The following HCRTR2 variants were observed in gnomAD, a reference collection of about 807,000 sequenced individuals.
HCRTR2 encodes hypocretin receptor 2.
In HCRTR2, 22 loss-of-function variants were observed where a neutral mutation model predicts 49.0. The ratio of observed to expected loss-of-function variants is 0.45; its 90% CI spans 0.32 to 0.64. The LOEUF (loss-of-function observed/expected upper bound fraction) is 0.64. Among genes scored for constraint, HCRTR2 ranks in the 30% least tolerant of loss-of-function variants. The pLI, the probability that HCRTR2 is intolerant of heterozygous loss-of-function variation, is 0.04. For missense variants in HCRTR2, 491 were observed against 559.4 expected, an observed-to-expected ratio of 0.88 and a Z score of 1.23; for synonymous variants, 236 against 205.3, an observed-to-expected ratio of 1.15 and a Z score of -1.28.
chr6:55,134,198 CTGAT>C (rs1764402353), intron 1 of HCRTR2, among the ~76,000 whole-genome samples: 1 of 148,012 alleles, frequency 6.8e-6, no homozygotes, highest in Non-Finnish European at 1.5e-5. Flanking sequence ...GTTGAGGAGA[CTGAT>C]TATTCTGTTT....
intron 1 of HCRTR2, among the ~76,000 whole-genome samples, chr6:55,121,299 G>A (rs1279589626): frequency 6.6e-6 from 1 of 152,072 alleles, no homozygotes; most frequent in East Asian, 1.9e-4. Context: ...GTATAGGAAT[G>A]TTTGTGATTT....
intron 1 of HCRTR2, among the ~76,000 whole-genome samples, chr6:55,158,692 A>C (rs1764763524): frequency 6.6e-6 from 1 of 152,202 alleles, no homozygotes; most frequent in African/African-American, 2.4e-5. Context: ...GCCACTGGGA[A>C]GTTAAAGTAG....
At chr6:55,123,182 G>T (rs1307116699) in intron 1 of HCRTR2, among the ~76,000 whole-genome samples, 1 of 151,864 alleles carries the variant, frequency 6.6e-6, no homozygotes, top group Admixed American at 6.6e-5. Context: ...GGAGTGGTGA[G>T]AGAGGGCATC....
At position 55,133,158 on chromosome 6, in the gene HCRTR2, G is replaced by A. The variant is rs890768055; in HGVS notation, c.-378+26613G>A. On this transcript the variant is annotated intron_variant, in intron 1 of 7. Coordinates refer to the HCRTR2 transcript ENST00000615358. ...TACAAAATCAAATTACCACCAATAA[G>A]TAAAATGGTAGGACTTATTTTTAGA... is the stretch of plus-strand genomic sequence containing the variant. Among the ~76,000 whole-genome samples, 5 of 151,936 alleles carry A rather than the reference G, an allele frequency of 3.3e-5. No individual in the cohort carries two copies. The South Asian group carries it at 1.0e-3, about 31-fold the overall frequency.
At chr6:55,142,041 A>G (rs769799577) in intron 1 of HCRTR2, among the ~76,000 whole-genome samples, 19 of 152,188 alleles carry the variant, frequency 1.2e-4, no homozygotes, top group Non-Finnish European at 2.1e-4. Flanking sequence ...ATTAAATAGT[A>G]AAATCAAGAT....
At chr6:55,129,032 G>A (rs1041129279) in intron 1 of HCRTR2, among the ~76,000 whole-genome samples, 2 of 151,964 alleles carry the variant, frequency 1.3e-5, no homozygotes, top group East Asian at 1.9e-4. Flanking sequence ...TCTGATCTTT[G>A]TTTTGTTTTG....
intron 1 of HCRTR2, among the ~76,000 whole-genome samples, chr6:55,237,473 C>A (rs1308758398): frequency 1.3e-5 from 2 of 152,144 alleles, no homozygotes; most frequent in African/African-American, 2.4e-5. Context: ...ACTTGATAGG[C>A]CTTGAACTCC....
intron 4 of HCRTR2, among the ~76,000 whole-genome samples, chr6:55,264,776 A>G (rs1018932544): frequency 6.6e-6 from 1 of 152,114 alleles, no homozygotes; most frequent in Admixed American, 6.6e-5. Context: ...CTCGTTCTCT[A>G]AACTTACTGC....
intron 1 of HCRTR2, among the ~76,000 whole-genome samples, chr6:55,237,115 A>G (rs1409725673): frequency 6.6e-6 from 1 of 151,868 alleles, no homozygotes; most frequent in Non-Finnish European, 1.5e-5. Context: ...TCCAGTTCAC[A>G]TATTTTTAAG....
At chr6:55,119,892 T>G (rs757342808) in intron 1 of HCRTR2, among the ~76,000 whole-genome samples, 15 of 152,182 alleles carry the variant, frequency 9.9e-5, no homozygotes, top group Non-Finnish European at 1.9e-4. Flanking sequence ...TCTAGGATTT[T>G]TATGGTTTTA....
intron 1 of HCRTR2, among the ~76,000 whole-genome samples, chr6:55,213,331 C>A (rs752059153): frequency 1.3e-5 from 2 of 152,070 alleles, no homozygotes; most frequent in Non-Finnish European, 2.9e-5. Flanking sequence ...ACATATAAAA[C>A]AAACAATAAT....
At chr6:55,153,849 C>G (rs1452440684) in intron 1 of HCRTR2, among the ~76,000 whole-genome samples, 3 of 151,572 alleles carry the variant, frequency 2.0e-5, no homozygotes, top group Non-Finnish European at 3.0e-5. Flanking sequence ...GTGGACAAAA[C>G]TACAATGTAC....
chr6:55,272,173 C>A (rs1295763556), intron 4 of HCRTR2, among the ~76,000 whole-genome samples: 1 of 152,048 alleles, frequency 6.6e-6, no homozygotes, highest in Admixed American at 6.6e-5. Flanking sequence ...AAATATTATT[C>A]AGCTACTAAA....
intron 1 of HCRTR2, among the ~76,000 whole-genome samples, chr6:55,117,331 CAA>C (rs748698282): frequency 2.6e-5 from 4 of 151,618 alleles, no homozygotes; most frequent in Non-Finnish European, 4.4e-5. Context: ...GCTAAATGCT[CAA>C]AGAGGTTGAA....
chr6:55,142,642 A>G (rs1764523365), intron 1 of HCRTR2, among the ~76,000 whole-genome samples: 1 of 152,072 alleles, frequency 6.6e-6, no homozygotes, highest in South Asian at 2.1e-4. Context: ...GTTAATAGAA[A>G]ACATCATTTT....
chr6:55,173,399 G>A (rs1764979912), upstream of HCRTR2, among the ~76,000 whole-genome samples: 1 of 152,112 alleles, frequency 6.6e-6, no homozygotes, highest in South Asian at 2.1e-4. Context: ...AGATTTCCAG[G>A]CTCTTCCCAA....
intron 1 of HCRTR2, among the ~76,000 whole-genome samples, chr6:55,184,479 A>C (rs1765184322): frequency 6.6e-6 from 1 of 152,204 alleles, no homozygotes; most frequent in African/African-American, 2.4e-5. Context: ...TCTAATAAAC[A>C]ATTTTCACAT....
rs1765583392 is a variant in HCRTR2 at position 55,205,394 on chromosome 6, G to T, written c.223+30584G>T. Among the ~76,000 whole-genome samples the T allele has an allele frequency of 2.0e-5, 3 of 152,164 alleles. No individual in the cohort carries two copies. In the South Asian group the frequency reaches 6.2e-4, roughly 31 times the overall value. Reference sequence around the variant, plus strand: ...AGGAATCTAAGGTAGTGAAGAGATTGAAATGTGTCAAGGAGAGAAGAGAGT... The same window carrying T: ...AGGAATCTAAGGTAGTGAAGAGATTTAAATGTGTCAAGGAGAGAAGAGAGT... On this transcript the variant is annotated intron_variant, in intron 1 of 6. Coordinates refer to ENST00000370862, the MANE Select transcript of HCRTR2 (RefSeq NM_001384272.1).
intron 1 of HCRTR2, among the ~76,000 whole-genome samples, chr6:55,136,238 G>C (rs1322359101): frequency 6.6e-6 from 1 of 152,036 alleles, no homozygotes; most frequent in Non-Finnish European, 1.5e-5. Flanking sequence ...AAAATATATA[G>C]ACAATTTTGA....
Sources: allele counts gnomAD v4.1 joint callset (sites outside exome capture counted in the v4.1 genomes callset), GRCh38; gene constraint gnomAD v4.1.1; transcripts MANE v1.5; gene names NCBI Gene and HGNC (gene_info 2026-07-23, HGNC 2026-07-21).